The following THNSL1 variants were observed in gnomAD, a reference collection of about 807,000 sequenced individuals.
The protein encoded by THNSL1 is threonine synthase-like 1.
A neutral mutation model predicts 50.4 loss-of-function variants in THNSL1; 48 were observed. That is an observed-to-expected ratio of 0.95 (90% CI 0.76 to 1.21). The LOEUF is 1.21. Among genes scored for constraint, THNSL1 ranks in the 50% most tolerant of loss-of-function variants. THNSL1 has a pLI of 0.00. For missense variants in THNSL1, 896 were observed against 871.7 expected, an observed-to-expected ratio of 1.03 and a Z score of -0.35; for synonymous variants, 309 against 306.1, an observed-to-expected ratio of 1.01 and a Z score of -0.10.
At chr10:25,012,319 A>T (rs1270334101), upstream of THNSL1, among the ~76,000 whole-genome samples, 1 of 152,246 alleles carries the variant, frequency 6.6e-6, no homozygotes, top group Non-Finnish European at 1.5e-5. Context: ...CCACTGGGGC[A>T]CTGCCTAGTG....
At chr10:24,967,681 G>GAT in the THNSL1 span, among the ~76,000 whole-genome samples, 6,700 of 151,414 alleles carry the variant, frequency 0.044, 387 homozygotes, top group African/African-American at 0.13. Flanking sequence ...GTGTGTGTAT[G>GAT]ATGTGTCCAT....
At chr10:24,967,678 TATG>T in the THNSL1 span, among the ~76,000 whole-genome samples, 101 of 151,048 alleles carry the variant, frequency 6.7e-4, no homozygotes, top group South Asian at 2.9e-3. Flanking sequence ...GATGTGTGTG[TATG>T]ATGTGTCCAT....
At chr10:24,998,540 A>G in the THNSL1 span, among the ~76,000 whole-genome samples, 1 of 151,724 alleles carries the variant, frequency 6.6e-6, no homozygotes, top group South Asian at 2.1e-4. Context: ...ACACCTAGCT[A>G]ATTTTTTTTA....
At chr10:25,007,684 T>G in the THNSL1 span, among the ~76,000 whole-genome samples, 4 of 152,256 alleles carry the variant, frequency 2.6e-5, no homozygotes, top group Non-Finnish European at 5.9e-5. Flanking sequence ...CCCGCCTGCC[T>G]CGGCCTCCCA....
At chr10:24,997,823 A>G in the THNSL1 span, among the ~76,000 whole-genome samples, 1 of 151,586 alleles carries the variant, frequency 6.6e-6, no homozygotes, top group African/African-American at 2.4e-5. Context: ...ATATATATAT[A>G]TATGTTTGTG....
chr10:24,966,837 G>T, the THNSL1 span, among the ~76,000 whole-genome samples: 1 of 152,004 alleles, frequency 6.6e-6, no homozygotes, highest in Admixed American at 6.6e-5. Flanking sequence ...ACATCATAAG[G>T]CTATTATGAG....
At chr10:24,987,991 C>T in the THNSL1 span, among the ~76,000 whole-genome samples, 3 of 151,700 alleles carry the variant, frequency 2.0e-5, no homozygotes, top group African/African-American at 7.3e-5. Context: ...GAAGCCAAGG[C>T]GGGTGGATCA....
the THNSL1 span, among the ~76,000 whole-genome samples, chr10:24,955,042 A>G: frequency 6.6e-6 from 1 of 152,346 alleles, no homozygotes; most frequent in African/African-American, 2.4e-5. Flanking sequence ...TAATTGACTC[A>G]CAGTTCTGCA....
chr10:25,022,373 G>C (rs1214499115), intron 2 of THNSL1, among the ~76,000 whole-genome samples: 1 of 152,166 alleles, frequency 6.6e-6, no homozygotes, highest in Non-Finnish European at 1.5e-5. Context: ...TGATTATAGG[G>C]TTAGAAACAA....
chr10:25,008,683 G>A, the THNSL1 span, among the ~76,000 whole-genome samples: 24 of 152,138 alleles, frequency 1.6e-4, no homozygotes, highest in African/African-American at 3.1e-4. Flanking sequence ...TAGTTCAACC[G>A]TTGTGGAAGT....
chr10:24,995,339 A>G, the THNSL1 span, among the ~76,000 whole-genome samples: 5 of 152,214 alleles, frequency 3.3e-5, no homozygotes, highest in Admixed American at 3.3e-4. Context: ...GCTTTTAGTG[A>G]CATTTCCAAC....
chr10:24,980,932 GCTGGTCTCGAA>G, the THNSL1 span, among the ~76,000 whole-genome samples: 2 of 152,276 alleles, frequency 1.3e-5, no homozygotes, highest in Middle Eastern at 3.4e-3. Context: ...CGTTGGCCAG[GCTGGTCTCGAA>G]CTCCTGACCT....
rs1850685214 is a variant in THNSL1 at position 25,019,982 on chromosome 10, G to A, written c.-215-1760G>A. Reference sequence around the variant, plus strand: ...TTCCCGAGTGGCCATTGCAGCAGACGTTCTCAAAAAAGAAATGAGGATGTC... The same window carrying A: ...TTCCCGAGTGGCCATTGCAGCAGACATTCTCAAAAAAGAAATGAGGATGTC... On this transcript the variant is annotated intron_variant, in intron 1 of 2. Transcript: ENST00000376356. Among the ~76,000 whole-genome samples the A allele has an allele frequency of 2.6e-5, 4 of 152,098 alleles. No homozygotes were observed. In the South Asian group the frequency reaches 8.3e-4, roughly 32 times the overall value.
chr10:24,970,922 G>A, the THNSL1 span, among the ~76,000 whole-genome samples: 9 of 152,036 alleles, frequency 5.9e-5, no homozygotes, highest in African/African-American at 2.2e-4. Context: ...TACTCAGGAG[G>A]CTGAGGCAGA....
In THNSL1 at chr10:25,016,707, C is replaced by G. The variant is rs1441239831; in HGVS notation, c.-216+15C>G. The G allele has an allele frequency of 6.6e-6, 1 of 152,394 alleles. No individual in the cohort carries two copies. Among genetic ancestry groups the G allele is most frequent in the African/African-American group, 2.4e-5 (1 of 41,466 alleles). 9.4% of individuals were successfully genotyped at this position (152,394 alleles called of 1,614,324 possible). On this transcript the variant is annotated intron_variant, in intron 1 of 2. Coordinates refer to ENST00000376356, the MANE Select transcript of THNSL1 (RefSeq NM_024838.5). ...GCTAGCTGCAGGTACGGTGCTCCGT[C>G]TCCTGTGGAGGCTTTAGCGGCTCGT...
chr10:25,017,106 T>C (rs1170991429), intron 1 of THNSL1, among the ~76,000 whole-genome samples: 1 of 152,218 alleles, frequency 6.6e-6, no homozygotes, highest in East Asian at 1.9e-4. Flanking sequence ...GGACTCTTCC[T>C]CTAGGTCGTT....
chr10:24,992,989 A>C, the THNSL1 span, among the ~76,000 whole-genome samples: 5 of 152,168 alleles, frequency 3.3e-5, no homozygotes, highest in Admixed American at 3.3e-4. Context: ...TATATTTGGC[A>C]TACTCTGTTT....
At chr10:24,962,033 TA>T in the THNSL1 span, among the ~76,000 whole-genome samples, 3 of 152,186 alleles carry the variant, frequency 2.0e-5, no homozygotes, top group Non-Finnish European at 4.4e-5. Flanking sequence ...TACCCAATAT[TA>T]AAATAGAATT....
chr10:24,960,127 GA>G, the THNSL1 span, among the ~76,000 whole-genome samples: 22 of 151,184 alleles, frequency 1.5e-4, no homozygotes, highest in Non-Finnish European at 1.8e-4. Context: ...CAAGAGAGAT[GA>G]AAGCCATCTC....
Sources: allele counts gnomAD v4.1 joint callset (sites outside exome capture counted in the v4.1 genomes callset), GRCh38; gene constraint gnomAD v4.1.1; transcripts MANE v1.5; gene names NCBI Gene and HGNC (gene_info 2026-07-23, HGNC 2026-07-21).